CDH13: variants seen among roughly 807,000 people sequenced by gnomAD.
CDH13 encodes cadherin-13.
Under a neutral mutation model 63.8 loss-of-function variants are expected in CDH13, and 24 were observed. The ratio of observed to expected loss-of-function variants is 0.38; its 90% CI spans 0.27 to 0.53. The LOEUF (loss-of-function observed/expected upper bound fraction) is 0.53. CDH13 is among the 20% of genes least tolerant of loss of function. The probability of loss-of-function intolerance (pLI) is 0.85; values close to 1 mark genes in which losing one functional copy is unlikely to be tolerated. For synonymous variants in CDH13, 503 were observed against 355.3 expected, an observed-to-expected ratio of 1.42 and a Z score of -4.67; for missense variants, 1,049 against 903.1, an observed-to-expected ratio of 1.16 and a Z score of -2.07.
chr16:82,753,410 C>CCTGTCTTT (rs1374764494), intron 1 of CDH13, among the ~76,000 whole-genome samples: 1 of 151,882 alleles, frequency 6.6e-6, no homozygotes, highest in Non-Finnish European at 1.5e-5. Context: ...GGCTTTCTAC[C>CCTGTCTTT]CTGTCTTTGC....
At chr16:83,366,633 G>C (rs374399543) in intron 6 of CDH13, among the ~76,000 whole-genome samples, 1 of 152,052 alleles carries the variant, frequency 6.6e-6, no homozygotes, top group South Asian at 2.1e-4. Flanking sequence ...CAAGCTTTTC[G>C]ATATTCTCCA....
chr16:82,895,264 C>A (rs2151229446), intron 2 of CDH13, among the ~76,000 whole-genome samples: 1 of 152,250 alleles, frequency 6.6e-6, no homozygotes, highest in East Asian at 1.9e-4. Flanking sequence ...TAAAAATTTA[C>A]CTTTTTTGAT....
At chr16:82,744,308 C>T (rs1404995029) in intron 1 of CDH13, among the ~76,000 whole-genome samples, 1 of 152,184 alleles carries the variant, frequency 6.6e-6, no homozygotes, top group Non-Finnish European at 1.5e-5. Flanking sequence ...GCCTGGGCCT[C>T]TATTTTTCTC....
intron 2 of CDH13, among the ~76,000 whole-genome samples, chr16:82,969,858 G>A (rs752886679): frequency 1.3e-4 from 20 of 152,018 alleles, no homozygotes; most frequent in East Asian, 5.8e-4. Flanking sequence ...TCCAGGAAAC[G>A]TCTTCCTAAT....
At chr16:83,721,335 T>C (rs1015810937) in intron 10 of CDH13, 2 of 152,242 alleles carry the variant, frequency 1.3e-5, no homozygotes, top group African/African-American at 4.8e-5. Flanking sequence ...CGCAGGTTGT[T>C]TGCACGCCCA....
intron 3 of CDH13, among the ~76,000 whole-genome samples, chr16:83,074,688 G>A (rs1399853149): frequency 6.6e-6 from 1 of 152,140 alleles, no homozygotes; most frequent in African/African-American, 2.4e-5. Flanking sequence ...TGATTTCTAT[G>A]AACAGGAGTC....
intron 6 of CDH13, chr16:83,383,160 C>G (rs895938231): frequency 6.6e-6 from 1 of 152,138 alleles, no homozygotes; most frequent in Non-Finnish European, 1.5e-5. Flanking sequence ...TCAACGTGGT[C>G]CATCTGATGT....
intron 6 of CDH13, among the ~76,000 whole-genome samples, chr16:83,477,983 C>T (rs185669856): frequency 1.4e-3 from 217 of 152,008 alleles, no homozygotes; most frequent in African/African-American, 4.9e-3. Flanking sequence ...AGATCGAGAC[C>T]ATCCTGACTA....
At chr16:83,469,409 T>C (rs1172699997) in intron 6 of CDH13, among the ~76,000 whole-genome samples, 3 of 152,082 alleles carry the variant, frequency 2.0e-5, no homozygotes, top group Non-Finnish European at 4.4e-5. Flanking sequence ...ATCAAATAGG[T>C]CGGGGGTCGA....
At chr16:83,375,246 A>T (rs1348365200) in intron 6 of CDH13, among the ~76,000 whole-genome samples, 1 of 152,204 alleles carries the variant, frequency 6.6e-6, no homozygotes, top group East Asian at 1.9e-4. Flanking sequence ...AATTAGAAAT[A>T]ATCATGTTTC....
At chr16:83,133,647 C>T (rs2036152649) in intron 4 of CDH13, among the ~76,000 whole-genome samples, 1 of 152,050 alleles carries the variant, frequency 6.6e-6, no homozygotes, top group African/African-American at 2.4e-5. Context: ...TACAGGTATG[C>T]ACCACCATGC....
intron 5 of CDH13, among the ~76,000 whole-genome samples, chr16:83,289,100 C>T (rs1429525351): frequency 6.6e-6 from 1 of 152,180 alleles, no homozygotes; most frequent in Non-Finnish European, 1.5e-5. Context: ...GAATCATGGG[C>T]TATTGCTTGC....
chr16:83,431,649 A>T (rs548010379), intron 6 of CDH13, among the ~76,000 whole-genome samples: 1 of 152,142 alleles, frequency 6.6e-6, no homozygotes, highest in Non-Finnish European at 1.5e-5. Flanking sequence ...GAAAGGAGGA[A>T]TGAGGTATCT....
chr16:83,515,926 A>C (rs369173764), intron 7 of CDH13, among the ~76,000 whole-genome samples: 2 of 152,200 alleles, frequency 1.3e-5, no homozygotes, highest in Admixed American at 6.5e-5. Flanking sequence ...AAAGAAAAGA[A>C]ATGATAAGCT....
rs746609469 is a variant in CDH13, at chr16:83,032,152, C to T, written c.300C>T (p.Thr100=). 50 of 1,613,564 alleles carry T rather than the reference C, an allele frequency of 3.1e-5. No individual in the cohort carries two copies. The highest frequency in any genetic ancestry group is 3.8e-5 in the Non-Finnish European group (45 of 1,179,770). ...AAACTCTGTTCGTCCATGCACGGAC[C>T]CCCCATGCGGAAGATATGGCAGAAC... ...VGKTLFVHAR[T]PHAEDMAELV... is the part of the protein sequence containing the mutation. The change falls in exon 3 of 14, where the codon ACC becomes ACT. Residue 100 remains threonine (T), a synonymous_variant. Transcript: ENST00000567109.
intron 6 of CDH13, among the ~76,000 whole-genome samples, chr16:83,381,169 C>G (rs1301390156): frequency 6.6e-6 from 1 of 152,086 alleles, no homozygotes; most frequent in Non-Finnish European, 1.5e-5. Context: ...TTAATAGTTG[C>G]TTGCTTTTTT....
intron 7 of CDH13, among the ~76,000 whole-genome samples, chr16:83,497,916 G>A (rs1312426488): frequency 6.6e-6 from 1 of 152,204 alleles, no homozygotes; most frequent in Non-Finnish European, 1.5e-5. Context: ...TATAGGGACA[G>A]AAACTAATCA....
chr16:83,378,839 C>T (rs950722147), intron 6 of CDH13, among the ~76,000 whole-genome samples: 3 of 152,172 alleles, frequency 2.0e-5, no homozygotes, highest in Non-Finnish European at 4.4e-5. Flanking sequence ...ACCCTAAAAT[C>T]ATCATAGGAT....
At chr16:83,034,415 G>A (rs1167332716) in intron 3 of CDH13, among the ~76,000 whole-genome samples, 5 of 152,170 alleles carry the variant, frequency 3.3e-5, no homozygotes, top group African/African-American at 1.2e-4. Context: ...AGAGGAAACT[G>A]GATATTGGTG....
Sources: allele counts gnomAD v4.1 joint callset (sites outside exome capture counted in the v4.1 genomes callset), GRCh38; gene constraint gnomAD v4.1.1; transcripts MANE v1.5; gene names NCBI Gene and HGNC (gene_info 2026-07-23, HGNC 2026-07-21).